DENND3: variants seen among roughly 807,000 people sequenced by gnomAD.
DENND3 encodes the protein DENN domain containing 3.
A neutral mutation model predicts 135.1 loss-of-function variants in DENND3; 88 were observed. The ratio of observed to expected loss-of-function variants is 0.65; its 90% CI spans 0.55 to 0.78. DENND3 has a LOEUF of 0.78. Ranked by LOEUF, DENND3 falls within the 30% of genes least tolerant of loss-of-function variation. The pLI is 0.00. For missense variants in DENND3, 1,392 were observed against 1,688.4 expected (o/e 0.82, Z 3.08); for synonymous variants, 693 against 712.3 (o/e 0.97, Z 0.43).
rs935737740 is a variant in DENND3 at position 141,138,274 on chromosome 8, G to T, written c.501+137G>T. The T allele has an allele frequency of 2.4e-5, 22 of 919,274 alleles. No individual in the cohort carries two copies. In the African/African-American group the frequency reaches 3.5e-4, roughly 15 times the overall value. The allele number at this position is 919,274 out of a possible 1,614,324, so 56.9% of individuals were successfully genotyped here. On this transcript the variant is annotated intron_variant, in intron 3 of 22. Transcript: ENST00000519811. This position sits in a 1 kb window ranked among gnomAD's most constrained non-coding sequence, Gnocchi z 4.8. Reference sequence around the variant, plus strand: ...TAACATTAAGTACATTCACAGCATTGTGCAACCACCACCAATGTCTAGGTC... The same window carrying T: ...TAACATTAAGTACATTCACAGCATTTTGCAACCACCACCAATGTCTAGGTC...
In DENND3 at chr8:141,164,631, C is replaced by T. The variant is rs191636956; in HGVS notation, c.1450-555C>T. On this transcript the variant is annotated intron_variant, in intron 10 of 22. Coordinates refer to ENST00000519811, the MANE Select transcript of DENND3 (RefSeq NM_001352890.3). ...GTCGTTCTTTGGTTTGATGCGGTTT[C>T]GCCCTATGACTGGGCAGCGGGGTAT... Among the ~76,000 whole-genome samples the T allele has an allele frequency of 3.5e-4, 53 of 152,246 alleles. No homozygotes were observed. In the East Asian group the frequency reaches 7.9e-3, roughly 23 times the overall value.
chr8:141,151,479 T>C, intron 6 of DENND3, 140 bp from the exon 7 acceptor site: 1 of 742,614 alleles, frequency 1.3e-6, no homozygotes, highest in Non-Finnish European at 2.2e-6. Flanking sequence ...GAGGATTGCT[T>C]AAGCCCAGGA....
intron 16 of DENND3, among the ~76,000 whole-genome samples, chr8:141,180,153 A>T (rs73713352): frequency 0.033 from 5,078 of 152,276 alleles, 207 homozygotes; most frequent in African/African-American, 0.095. Context: ...CTCACTGCGG[A>T]GAGGCATTTT....
Position 141,194,578 on chromosome 8 carries a change from C to A in DENND3, c.*345C>A. 1 of 309,800 alleles carries A rather than the reference C, an allele frequency of 3.2e-6. No homozygotes were observed. Among genetic ancestry groups the A allele is most frequent in the Non-Finnish European group, 6.2e-6 (1 of 160,780 alleles). 19.2% of individuals were successfully genotyped at this position (309,800 alleles called of 1,614,324 possible). ...CTGGCACTGGAGCCAGCAGCTTGGC[C>A]GAGTCACAGGTGACCCGTGGCCCTC... On this transcript the variant is annotated 3_prime_UTR_variant, in exon 23 of 23. Transcript: ENST00000519811.
At position 141,158,771 on chromosome 8, in the gene DENND3, T is replaced by A. The variant is rs568620884; in HGVS notation, c.1197-1861T>A. 5.3e-5 allele frequency among the ~76,000 whole-genome samples: 8 copies of A among 152,284 alleles called. No individual in the cohort carries two copies. The East Asian group carries it at 1.4e-3, about 26-fold the overall frequency. ...GTCACTCTCTTCACTGCTGTCTTCA[T>A]CTCTGATGGAAGTCGCTCTCTCCCT... On this transcript the variant is annotated intron_variant, in intron 8 of 22. Transcript: ENST00000519811.
intron 10 of DENND3, among the ~76,000 whole-genome samples, chr8:141,164,804 G>A (rs904217423): frequency 2.0e-5 from 3 of 152,318 alleles, no homozygotes; most frequent in African/African-American, 4.8e-5. Context: ...CGCCAGCCAC[G>A]AGCCTGCCTC....
Position 141,182,335 on chromosome 8 carries a change from G to C in DENND3, c.2944+1481G>C. The C allele has an allele frequency of 1.0e-6, 1 of 985,382 alleles. No homozygotes were observed. Among genetic ancestry groups the C allele is most frequent in the Non-Finnish European group, 1.2e-6 (1 of 829,938 alleles). The allele number at this position is 985,382 out of a possible 1,614,324, so 61.0% of individuals were successfully genotyped here. On this transcript the variant is annotated intron_variant, in intron 17 of 22. Coordinates refer to ENST00000519811, the MANE Select transcript of DENND3 (RefSeq NM_001352890.3). This position sits in a 1 kb window ranked among gnomAD's most constrained non-coding sequence, Gnocchi z 5.9. ...CTTCATGGCAGGCCAAGAAACCCAG[G>C]AACGCGATAGACCCTGGCTGAGTGA...
intron 7 of DENND3, among the ~76,000 whole-genome samples, chr8:141,153,196 C>T (rs968015567): frequency 1.3e-5 from 2 of 150,082 alleles, no homozygotes; most frequent in South Asian, 2.1e-4. Context: ...CGGGTTCAAG[C>T]GATTCTCCTG....
chr8:141,143,606 A>G (rs984417007), intron 4 of DENND3, among the ~76,000 whole-genome samples: 5 of 152,158 alleles, frequency 3.3e-5, no homozygotes, highest in Middle Eastern at 3.4e-3. Flanking sequence ...GGGTCTCACT[A>G]TCTTGCGCAG....
At position 141,130,689 on chromosome 8, in the gene DENND3, ATAT is replaced by A. The variant is rs367911891; in HGVS notation, c.102+1882_102+1884del. Among the ~76,000 whole-genome samples, 40,866 of 148,038 alleles carry A rather than the reference ATAT, an allele frequency of 0.28. 5,882 individuals are homozygous for A. Among genetic ancestry groups the A allele is most frequent in the Middle Eastern group, 0.34 (99 of 288 alleles). On this transcript the variant is annotated intron_variant, in intron 1 of 22. Transcript: ENST00000519811. This position sits in a 1 kb window ranked among gnomAD's most constrained non-coding sequence, Gnocchi z 4.2. The stretch of plus-strand genomic sequence containing the variant: ...TTTTGAATGTCCAAGGCTTTTAAAT[ATAT>A]TTTTTTTTTTTTGAGACAGAGTTTT...
chr8:141,169,019 C>T (rs1284959285), intron 13 of DENND3, among the ~76,000 whole-genome samples: 1 of 152,124 alleles, frequency 6.6e-6, no homozygotes, highest in Non-Finnish European at 1.5e-5. Flanking sequence ...CCTCCACACC[C>T]AGCTAATTTT....
At chr8:141,185,064 A>G in intron 17 of DENND3, 75 bp from the exon 18 acceptor site, 2 of 1,549,372 alleles carry the variant, frequency 1.3e-6, no homozygotes, top group Non-Finnish European at 1.7e-6. Flanking sequence ...GAGGCACCTG[A>G]GTAAGGGCAC....
At chr8:141,165,710 C>T (rs899236367) in intron 11 of DENND3, among the ~76,000 whole-genome samples, 1 of 152,074 alleles carries the variant, frequency 6.6e-6, no homozygotes, top group Non-Finnish European at 1.5e-5. Flanking sequence ...GTGATCCACC[C>T]ACCTCAGCCT....
rs758880469 is a variant in DENND3 at position 141,192,608 on chromosome 8, G to C, written c.3581G>C (p.Arg1194Thr). Reference protein sequence around the residue: ...SLKDLAQPPQRVPLEDCSEIN... With the variant: ...SLKDLAQPPQTVPLEDCSEIN... ...AAGGACCTGGCCCAGCCCCCGCAGA[G>C]GGTGCCCCTCGAGGACTGCTCTGAG... The change falls in exon 22 of 23, where the codon AGG becomes ACG. Residue 1194 changes from arginine to threonine, a missense_variant. By Grantham distance (71) the Arg-to-Thr change is moderately conservative. Transcript: ENST00000519811. 3.8e-6 allele frequency: 6 copies of C among 1,593,312 alleles called. No individual in the cohort carries two copies. In the Admixed American group the frequency reaches 1.0e-4, roughly 27 times the overall value.
intron 5 of DENND3, among the ~76,000 whole-genome samples, chr8:141,145,037 G>A (rs1817877135): frequency 6.6e-6 from 1 of 152,248 alleles, no homozygotes; most frequent in Admixed American, 6.5e-5. Context: ...ATCTATTCAT[G>A]CAGCCAGGCC....
At chr8:141,136,063 A>G (rs1203195013) in intron 1 of DENND3, among the ~76,000 whole-genome samples, 1 of 152,016 alleles carries the variant, frequency 6.6e-6, no homozygotes, top group East Asian at 1.9e-4. Flanking sequence ...CAGTATATCC[A>G]TAGGCTCCTG....
rs767108350 is a variant in DENND3 at position 141,144,203 on chromosome 8, G to T, written c.679G>T (p.Asp227Tyr). The T allele has an allele frequency of 3.1e-6, 5 of 1,613,962 alleles. No individual in the cohort carries two copies. The Admixed American group carries it at 8.3e-5, about 27-fold the overall frequency. ...TTTTGAAGTGGACAGTCATATAAAA[G>T]ATTTCGCTGCGAAGCTGTCTTTAAT... ...KDFEVDSHIK[D>Y]FAAKLSLIPS... The change falls in exon 5 of 23, where the codon GAT becomes TAT. Residue 227 changes from aspartate to tyrosine, a missense_variant. Transcript: ENST00000519811. The surrounding 1 kb of genome is among the most constrained non-coding windows in gnomAD (Gnocchi z 4.4).
chr8:141,135,666 C>G (rs1569554897), intron 1 of DENND3, among the ~76,000 whole-genome samples: 1 of 152,202 alleles, frequency 6.6e-6, no homozygotes, highest in Non-Finnish European at 1.5e-5. Context: ...TTGTTTTGTC[C>G]TAGCTCTGTA....
At chr8:141,135,197 G>A (rs1007383942) in intron 1 of DENND3, among the ~76,000 whole-genome samples, 22 of 149,384 alleles carry the variant, frequency 1.5e-4, no homozygotes, top group African/African-American at 5.2e-4. Context: ...TTTCACCCAG[G>A]CCGGAGCGCA....
Sources: gnomAD v4.1 joint callset for allele counts (sites outside exome capture counted in the v4.1 genomes callset) on GRCh38, gnomAD v4.1.1 for gene constraint, Gnocchi (gnomAD v3.1) non-coding constraint, MANE v1.5 for transcripts, NCBI Gene and HGNC (gene_info 2026-07-23, HGNC 2026-07-21) for gene names.